Variants in TFB2M observed in about 807,000 individuals in gnomAD.
The protein encoded by TFB2M is transcription factor B2, mitochondrial.
A neutral mutation model predicts 41.3 loss-of-function variants in TFB2M; 44 were observed. The observed-to-expected ratio is 1.07, with a 90% CI of 0.84 to 1.37. TFB2M has a LOEUF of 1.37. Among genes scored for constraint, TFB2M ranks in the 40% most tolerant of loss-of-function variants. The pLI is 0.00. For synonymous variants in TFB2M, 188 were observed against 176.8 expected, an observed-to-expected ratio of 1.06 and a Z score of -0.50; for missense variants, 496 against 490.2, an observed-to-expected ratio of 1.01 and a Z score of -0.11.
At chr1:246,548,787 G>T (rs1395728086) in intron 5 of TFB2M, among the ~76,000 whole-genome samples, 180 bp from the exon 6 acceptor site, 2 of 152,104 alleles carry the variant, frequency 1.3e-5, no homozygotes, top group African/African-American at 4.8e-5. Flanking sequence ...TTTTAAAGAG[G>T]AGGAGGATCA....
chr1:246,551,957 T>G (rs557490015), intron 4 of TFB2M, among the ~76,000 whole-genome samples: 2 of 152,220 alleles, frequency 1.3e-5, no homozygotes, highest in African/African-American at 4.8e-5. Context: ...AATATGTATT[T>G]ACTAAATGGG....
intron 6 of TFB2M, among the ~76,000 whole-genome samples, chr1:246,546,420 C>G (rs1010399744): frequency 1.8e-4 from 27 of 151,996 alleles, no homozygotes; most frequent in Non-Finnish European, 3.4e-4. Flanking sequence ...TTGAGACCAG[C>G]CTGGCCAACG....
chr1:246,561,518 A>T (rs2102990631), intron 2 of TFB2M, among the ~76,000 whole-genome samples: 1 of 151,876 alleles, frequency 6.6e-6, no homozygotes, highest in South Asian at 2.1e-4. Context: ...CCCAGGCTGG[A>T]GTGTAATGGC....
intron 5 of TFB2M, among the ~76,000 whole-genome samples, chr1:246,550,999 G>A (rs1294897607): frequency 6.6e-6 from 1 of 152,134 alleles, no homozygotes; most frequent in African/African-American, 2.4e-5. Context: ...AGACCAGGCT[G>A]GGCAATATTC....
intron 6 of TFB2M, among the ~76,000 whole-genome samples, chr1:246,545,776 C>A (rs186388508): frequency 1.4e-4 from 19 of 140,368 alleles, no homozygotes; most frequent in African/African-American, 5.1e-4. Context: ...TACGCCATTG[C>A]ACTCCAGCCC....
intron 2 of TFB2M, among the ~76,000 whole-genome samples, chr1:246,561,396 C>T (rs1659452014): frequency 6.6e-6 from 1 of 152,018 alleles, no homozygotes; most frequent in Admixed American, 6.6e-5. Context: ...ATTATTGTTT[C>T]AAAAATTCTC....
At chr1:246,557,633 A>G (rs1659359659) in intron 2 of TFB2M, 99 bp from the exon 3 acceptor site, 7 of 995,816 alleles carry the variant, frequency 7.0e-6, no homozygotes, top group Non-Finnish European at 8.5e-6. Context: ...AATAAAATGT[A>G]AAAATAAAAA....
At chr1:246,547,816 T>C (rs1009646350) in intron 6 of TFB2M, among the ~76,000 whole-genome samples, 4 of 152,268 alleles carry the variant, frequency 2.6e-5, no homozygotes, top group African/African-American at 9.6e-5. Context: ...TGGAGGACTA[T>C]AACATTGTCA....
intron 4 of TFB2M, among the ~76,000 whole-genome samples, chr1:246,551,619 G>A (rs1659186049): frequency 9.5e-6 from 1 of 105,698 alleles, no homozygotes; most frequent in Admixed American, 1.1e-4. Flanking sequence ...CACTTTGGGA[G>A]GCCAAGGTGG....
At chr1:246,557,608 A>C (rs1659358722) in intron 2 of TFB2M, 74 bp from the exon 3 acceptor site, 2 of 1,164,248 alleles carry the variant, frequency 1.7e-6, no homozygotes, top group Non-Finnish European at 2.4e-6. Flanking sequence ...AAAAAACTCT[A>C]CTTCAAAAAA....
intron 1 of TFB2M, among the ~76,000 whole-genome samples, chr1:246,565,233 A>C (rs1659587133): frequency 6.6e-6 from 1 of 152,272 alleles, no homozygotes; most frequent in African/African-American, 2.4e-5. Context: ...CGGAAGAATA[A>C]GATAACATCA....
At chr1:246,563,708 C>T (rs6701836) in intron 2 of TFB2M, among the ~76,000 whole-genome samples, 55,659 of 151,884 alleles carry the variant, frequency 0.37, 11,124 homozygotes, top group Non-Finnish European at 0.45. Flanking sequence ...GTCCAATGTA[C>T]ACAAATTTTG....
chr1:246,541,896 T>G (rs1658865735), intron 7 of TFB2M, among the ~76,000 whole-genome samples: 1 of 152,222 alleles, frequency 6.6e-6, no homozygotes, highest in Non-Finnish European at 1.5e-5. Context: ...GCAAACTTCC[T>G]TATACAGTCA....
chr1:246,540,905 T>C lies in TFB2M; in HGVS notation c.*126A>G, dbSNP rs1461414466. 1 of 825,340 alleles carries C rather than the reference T, an allele frequency of 1.2e-6. No individual in the cohort carries two copies. Among genetic ancestry groups the C allele is most frequent in the African/African-American group, 1.7e-5 (1 of 57,338 alleles). The allele number at this position is 825,340 out of a possible 1,614,324, so 51.1% of individuals were successfully genotyped here. On this transcript the variant is annotated 3_prime_UTR_variant, in exon 8 of 8. Transcript: ENST00000366514. ...AATGATATCAGCTTAGGAGAAATGA[T>C]CTGCCTGGCTTGTGCAAGACAAGAA...
At chr1:246,547,210 T>C (rs898887864) in intron 6 of TFB2M, among the ~76,000 whole-genome samples, 3 of 152,114 alleles carry the variant, frequency 2.0e-5, no homozygotes, top group African/African-American at 7.2e-5. Flanking sequence ...TCTCAGACTC[T>C]TGACCTCGTG....
intron 7 of TFB2M, among the ~76,000 whole-genome samples, chr1:246,542,699 G>A (rs1658895997): frequency 6.6e-6 from 1 of 152,068 alleles, no homozygotes; most frequent in African/African-American, 2.4e-5. Flanking sequence ...TTTTGATATT[G>A]AATAGAATCT....
At chr1:246,560,448 G>C (rs541414681) in intron 2 of TFB2M, among the ~76,000 whole-genome samples, 1 of 152,264 alleles carries the variant, frequency 6.6e-6, no homozygotes, top group East Asian at 1.9e-4. Context: ...ACCTGAGCCT[G>C]GGAAGTTGAG....
At chr1:246,557,169 G>A (rs1659346180) in intron 3 of TFB2M, among the ~76,000 whole-genome samples, 1 of 152,062 alleles carries the variant, frequency 6.6e-6, no homozygotes, top group South Asian at 2.1e-4. Context: ...CAGCTACTAG[G>A]GAGGCTGAAG....
intron 5 of TFB2M, among the ~76,000 whole-genome samples, chr1:246,548,969 C>T (rs115269935): frequency 0.017 from 2,594 of 152,242 alleles, 64 homozygotes; most frequent in African/African-American, 0.059. Flanking sequence ...TCTTTTTGCC[C>T]TACTTCAGTG....
Sources: allele counts gnomAD v4.1 joint callset (sites outside exome capture counted in the v4.1 genomes callset), GRCh38; gene constraint gnomAD v4.1.1; transcripts MANE v1.5; gene names NCBI Gene and HGNC (gene_info 2026-07-23, HGNC 2026-07-21).